QTGAL: variants seen among roughly 807,000 people sequenced by gnomAD.
QTGAL encodes BGnT-like protein 1.
chr17:82,986,846 A>C, the QTGAL span, among the ~76,000 whole-genome samples: 1 of 152,230 alleles, frequency 6.6e-6, no homozygotes, highest in African/African-American at 2.4e-5. Flanking sequence ...TTACTCCCAC[A>C]ACCTCGCTAT....
chr17:83,034,945 T>A, the QTGAL span: 5 of 1,123,262 alleles, frequency 4.5e-6, no homozygotes, highest in Non-Finnish European at 6.5e-6. Flanking sequence ...GAAAAATGAT[T>A]TTCAAGAACC....
the QTGAL span, among the ~76,000 whole-genome samples, chr17:83,043,214 G>GTC: frequency 6.6e-6 from 1 of 152,182 alleles, no homozygotes; most frequent in African/African-American, 2.4e-5. Context: ...GACAGCAGCA[G>GTC]AACACACATT....
the QTGAL span, among the ~76,000 whole-genome samples, chr17:83,019,246 C>T: frequency 6.6e-6 from 1 of 151,992 alleles, no homozygotes; most frequent in East Asian, 1.9e-4. Flanking sequence ...GCAGGAGAAC[C>T]CTGGGGCGTC....
the QTGAL span, among the ~76,000 whole-genome samples, chr17:82,996,358 A>G: frequency 2.0e-5 from 3 of 152,072 alleles, no homozygotes; most frequent in African/African-American, 7.2e-5. Context: ...CCCCCTCTCC[A>G]TTAAAAATAC....
the QTGAL span, among the ~76,000 whole-genome samples, chr17:82,991,128 C>T: frequency 6.6e-6 from 1 of 151,852 alleles, no homozygotes; most frequent in Non-Finnish European, 1.5e-5. Flanking sequence ...AAACTATACA[C>T]TTTTTAGAAG....
the QTGAL span, chr17:83,006,088 G>A: frequency 1.0e-6 from 1 of 996,814 alleles, no homozygotes; most frequent in Non-Finnish European, 1.2e-6. The surrounding 1 kb of genome is among the most constrained non-coding windows in gnomAD (Gnocchi z 5.8). Context: ...CCGAGTAGAC[G>A]TTCTCACAGC....
the QTGAL span, among the ~76,000 whole-genome samples, chr17:83,026,101 C>T: frequency 6.3e-3 from 967 of 152,322 alleles, 14 homozygotes; most frequent in African/African-American, 0.022. Flanking sequence ...CAGAAGACGA[C>T]GCTCACCATA....
chr17:82,974,224 G>A, the QTGAL span, among the ~76,000 whole-genome samples: 38 of 152,334 alleles, frequency 2.5e-4, no homozygotes, highest in South Asian at 7.5e-3. Context: ...TCAGCACCAA[G>A]CGTGGGCCCC....
At chr17:82,980,870 T>G in the QTGAL span, among the ~76,000 whole-genome samples, 1 of 152,080 alleles carries the variant, frequency 6.6e-6, no homozygotes, top group East Asian at 1.9e-4. Context: ...CCCGGAGGTT[T>G]GGGGGTGGGG....
chr17:82,961,448 A>C, the QTGAL span: 2 of 493,962 alleles, frequency 4.0e-6, no homozygotes, highest in Non-Finnish European at 7.4e-6. Flanking sequence ...TGAGCAGTAA[A>C]GGTCTCAGGG....
chr17:83,035,980 C>T, the QTGAL span, among the ~76,000 whole-genome samples: 1 of 140,602 alleles, frequency 7.1e-6, no homozygotes, highest in Non-Finnish European at 1.5e-5. Flanking sequence ...GTGGGTGATC[C>T]TCTTGGCGTG....
the QTGAL span, chr17:82,957,226 G>A: frequency 6.6e-5 from 106 of 1,614,140 alleles, no homozygotes; most frequent in South Asian, 7.7e-5. Context: ...TCTTGTTCTC[G>A]TCCACGTCAC....
At chr17:83,015,795 A>G in the QTGAL span, among the ~76,000 whole-genome samples, 5,242 of 152,296 alleles carry the variant, frequency 0.034, 301 homozygotes, top group African/African-American at 0.12. This position sits in a 1 kb window ranked among gnomAD's most constrained non-coding sequence, Gnocchi z 4.4. Context: ...AATCCAGGTC[A>G]CAGACTCCTT....
the QTGAL span, chr17:82,948,895 G>C: frequency 1.3e-5 from 2 of 152,226 alleles, no homozygotes; most frequent in Admixed American, 1.3e-4. Context: ...AACCAGGAGT[G>C]ATTGTCTTAG....
the QTGAL span, among the ~76,000 whole-genome samples, chr17:83,020,041 G>A: frequency 0.014 from 2,082 of 152,184 alleles, 22 homozygotes; most frequent in South Asian, 0.032. Context: ...GCCAAGAATA[G>A]AACTATTAGA....
At chr17:82,994,474 A>G in the QTGAL span, among the ~76,000 whole-genome samples, 1 of 152,178 alleles carries the variant, frequency 6.6e-6, no homozygotes, top group Non-Finnish European at 1.5e-5. Context: ...TCCTAGACAC[A>G]TACAGCCTAC....
At chr17:83,014,545 T>C in the QTGAL span, 2 of 1,612,954 alleles carry the variant, frequency 1.2e-6, no homozygotes, top group Non-Finnish European at 1.7e-6. Context: ...CACTTTCCGT[T>C]TGTTTGTTTG....
At chr17:82,971,294 C>T in the QTGAL span, among the ~76,000 whole-genome samples, 1 of 152,206 alleles carries the variant, frequency 6.6e-6, no homozygotes, top group African/African-American at 2.4e-5. Flanking sequence ...AGCATAAGGA[C>T]GCGCACAGAC....
chr17:83,014,455 C>T, the QTGAL span: 1 of 1,614,004 alleles, frequency 6.2e-7, no homozygotes, highest in Admixed American at 1.7e-5. Flanking sequence ...AGTACTTACG[C>T]TCGACGGGTG....
Sources: gnomAD v4.1 joint callset for allele counts (sites outside exome capture counted in the v4.1 genomes callset) on GRCh38, gnomAD v4.1.1 for gene constraint, Gnocchi (gnomAD v3.1) non-coding constraint, MANE v1.5 for transcripts, NCBI Gene and HGNC (gene_info 2026-07-23, HGNC 2026-07-21) for gene names.